The following SAMD12 variants were observed in gnomAD, a reference collection of about 807,000 sequenced individuals.
The protein encoded by SAMD12 is sterile alpha motif domain containing 12, also known as sterile alpha motif domain-containing protein 12.
Under a neutral mutation model 15.0 loss-of-function variants are expected in SAMD12, and 9 were observed. The ratio of observed to expected loss-of-function variants is 0.60; its 90% CI spans 0.36 to 1.05. The LOEUF is 1.05. SAMD12 is among the 50% of genes least tolerant of loss of function. The pLI is 0.01. For synonymous variants in SAMD12, 86 were observed against 90.1 expected (o/e 0.96, Z 0.25); for missense variants, 230 against 234.2 (o/e 0.98, Z 0.12).
intron 2 of SAMD12, among the ~76,000 whole-genome samples, chr8:118,455,272 T>A (rs1311707981): frequency 2.7e-5 from 4 of 145,564 alleles, no homozygotes; most frequent in African/African-American, 1.1e-4. Flanking sequence ...TTCACACCTC[T>A]CTCTCTCTCT....
chr8:118,536,437 T>TACAAAAACACACAC (rs59107770), intron 2 of SAMD12, among the ~76,000 whole-genome samples: 2 of 128,172 alleles, frequency 1.6e-5, no homozygotes, highest in African/African-American at 5.9e-5. Context: ...TGTAGACTGA[T>TACAAAAACACACAC]ACACAAACAC....
chr8:118,455,261 T>G (rs1370329191), intron 2 of SAMD12, among the ~76,000 whole-genome samples: 1 of 87,728 alleles, frequency 1.1e-5, no homozygotes, highest in African/African-American at 4.6e-5. Flanking sequence ...TTCTCCTGGC[T>G]TTCACACCTC....
intron 2 of SAMD12, among the ~76,000 whole-genome samples, chr8:118,536,211 C>T (rs985222844): frequency 3.3e-5 from 5 of 152,068 alleles, no homozygotes; most frequent in Non-Finnish European, 5.9e-5. Context: ...TCCTCATTCC[C>T]TGCCCACACC....
At chr8:118,287,669 TA>T (rs1428126700) in intron 4 of SAMD12, among the ~76,000 whole-genome samples, 7 of 152,270 alleles carry the variant, frequency 4.6e-5, no homozygotes, top group East Asian at 3.9e-4. Flanking sequence ...AAGAAAGGAC[TA>T]GGGGGAAAGG....
chr8:118,472,249 T>C (rs1345607445), intron 2 of SAMD12, among the ~76,000 whole-genome samples: 1 of 150,152 alleles, frequency 6.7e-6, no homozygotes, highest in Non-Finnish European at 1.5e-5. Context: ...ATTGTGCCAC[T>C]GCACTCCAGC....
intron 2 of SAMD12, among the ~76,000 whole-genome samples, chr8:118,440,914 T>C (rs1217995607): frequency 6.6e-6 from 1 of 152,030 alleles, no homozygotes; most frequent in Admixed American, 6.6e-5. Flanking sequence ...GGATCAGTGT[T>C]TGCCAAAAAA....
chr8:118,147,107 C>T, the SAMD12 span, among the ~76,000 whole-genome samples: 5 of 151,648 alleles, frequency 3.3e-5, no homozygotes, highest in African/African-American at 1.2e-4. Context: ...TCACTGAAAA[C>T]TCTGCCTCCT....
At chr8:118,157,177 G>A in the SAMD12 span, among the ~76,000 whole-genome samples, 1 of 152,174 alleles carries the variant, frequency 6.6e-6, no homozygotes, top group East Asian at 1.9e-4. Flanking sequence ...AAAATGGTAT[G>A]ATTTACATAG....
the SAMD12 span, among the ~76,000 whole-genome samples, chr8:118,160,691 G>T: frequency 2.2e-4 from 34 of 152,146 alleles, no homozygotes; most frequent in African/African-American, 8.2e-4. Flanking sequence ...AGTGAAAATG[G>T]ATCATAGAGC....
At chr8:118,268,089 C>T (rs920505648) in intron 4 of SAMD12, among the ~76,000 whole-genome samples, 1 of 152,004 alleles carries the variant, frequency 6.6e-6, no homozygotes, top group Non-Finnish European at 1.5e-5. Flanking sequence ...AAGGCTTCAT[C>T]TCAAACAAAA....
the SAMD12 span, among the ~76,000 whole-genome samples, chr8:118,174,177 G>A: frequency 2.0e-5 from 3 of 152,182 alleles, no homozygotes; most frequent in African/African-American, 7.2e-5. Flanking sequence ...GGATTGATCT[G>A]AGGATTCAAT....
chr8:118,433,287 C>T (rs1205911904), intron 3 of SAMD12, among the ~76,000 whole-genome samples: 6 of 152,184 alleles, frequency 3.9e-5, no homozygotes, highest in African/African-American at 9.6e-5. Context: ...AGAGAGGAAA[C>T]ATTCTTAGTA....
chr8:118,198,971 C>T (rs1411612117), intron 4 of SAMD12, among the ~76,000 whole-genome samples: 1 of 151,896 alleles, frequency 6.6e-6, no homozygotes, highest in African/African-American at 2.4e-5. Flanking sequence ...TGGAAGCAAC[C>T]ACTCTCTTAT....
chr8:118,136,014 C>G, the SAMD12 span, among the ~76,000 whole-genome samples: 1 of 151,802 alleles, frequency 6.6e-6, no homozygotes, highest in African/African-American at 2.4e-5. Context: ...GAAACTTTAT[C>G]TGGCTTCTTT....
At chr8:118,520,667 C>T (rs1408755725) in intron 2 of SAMD12, among the ~76,000 whole-genome samples, 1 of 152,134 alleles carries the variant, frequency 6.6e-6, no homozygotes, top group East Asian at 1.9e-4. Flanking sequence ...AATCAGGTGG[C>T]TTATGTTTCT....
chr8:118,345,989 T>G (rs1477378119), intron 4 of SAMD12, among the ~76,000 whole-genome samples: 1 of 152,158 alleles, frequency 6.6e-6, no homozygotes, highest in Non-Finnish European at 1.5e-5. Flanking sequence ...CCGTCTCCAT[T>G]TGGCTTGTCC....
chr8:118,300,974 C>G (rs2130327043), intron 4 of SAMD12, among the ~76,000 whole-genome samples: 1 of 152,214 alleles, frequency 6.6e-6, no homozygotes, highest in South Asian at 2.1e-4. Flanking sequence ...TTTATGGAGT[C>G]AAATAATTTT....
At chr8:118,372,178 CAT>C (rs751385275) in intron 4 of SAMD12, among the ~76,000 whole-genome samples, 9 of 152,128 alleles carry the variant, frequency 5.9e-5, no homozygotes, top group Non-Finnish European at 1.0e-4. Context: ...CTGACTGGCT[CAT>C]GTTTTCTTTC....
intron 3 of SAMD12, among the ~76,000 whole-genome samples, chr8:118,404,004 G>C (rs1265070279): frequency 2.6e-5 from 4 of 152,130 alleles, no homozygotes; most frequent in Non-Finnish European, 5.9e-5. Flanking sequence ...TCTTGAGACA[G>C]GGTTTTGCTT....
Sources: allele counts gnomAD v4.1 joint callset (sites outside exome capture counted in the v4.1 genomes callset), GRCh38; gene constraint gnomAD v4.1.1; transcripts MANE v1.5; gene names NCBI Gene and HGNC (gene_info 2026-07-23, HGNC 2026-07-21).